PAM16: variants seen among roughly 807,000 people sequenced by gnomAD.
PAM16 encodes presequence translocase associated motor 16.
A neutral mutation model predicts 17.9 loss-of-function variants in PAM16; 11 were observed. The observed-to-expected ratio is 0.62, with a 90% CI of 0.39 to 1.02. The LOEUF (loss-of-function observed/expected upper bound fraction) is 1.02. Among genes scored for constraint, PAM16 ranks in the 50% least tolerant of loss-of-function variants. The pLI is 0.01. For synonymous variants in PAM16, 72 were observed against 67.4 expected, an observed-to-expected ratio of 1.07 and a Z score of -0.34; for missense variants, 199 against 165.4, an observed-to-expected ratio of 1.20 and a Z score of -1.11.
chr16:4,340,838 G>A (rs2053632607), intron 4 of PAM16, 82 bp downstream of exon 4: 1 of 1,550,188 alleles, frequency 6.5e-7, no homozygotes, highest in Non-Finnish European at 8.9e-7. Flanking sequence ...TAGCTGGCCA[G>A]CTCCCCCAAC....
chr16:4,343,543 C>T, intron 1 of PAM16: 10 of 1,415,718 alleles, frequency 7.1e-6, no homozygotes, highest in Non-Finnish European at 8.3e-6. Flanking sequence ...GGCCCCACCT[C>T]ATCCTTCAGG....
At chr16:4,349,812 G>A (rs1159372572) in intron 1 of PAM16, among the ~76,000 whole-genome samples, 4 of 152,080 alleles carry the variant, frequency 2.6e-5, no homozygotes, top group South Asian at 2.1e-4. Flanking sequence ...ACAGAGCTGG[G>A]CTCAAAAGAG....
chr16:4,340,547 C>T (rs2053627554), intron 4 of PAM16, 142 bp from the exon 5 acceptor site: 1 of 936,990 alleles, frequency 1.1e-6, no homozygotes, highest in Non-Finnish European at 1.6e-6. Flanking sequence ...TCAGTGGCAC[C>T]CCAGGGTCGG....
Position 4,344,850 on chromosome 16 carries a change from G to A in PAM16, c.4-1559C>T, listed in dbSNP as rs376041348. Among the ~76,000 whole-genome samples, 14 of 24,534 alleles carry A rather than the reference G, an allele frequency of 5.7e-4. No homozygotes were observed. In the East Asian group the frequency reaches 6.8e-3, roughly 12 times the overall value. The allele number at this position is 24,534 out of a possible 152,430, so 16.1% of individuals were successfully genotyped here. On this transcript the variant is annotated intron_variant, in intron 1 of 4. Coordinates refer to ENST00000318059, the MANE Select transcript of PAM16 (RefSeq NM_016069.11). ...GGAGGGGGTTCTGTGAGAGGAGGGG[G>A]TTCCGTGAGAGGAGGGGGTTCCTCC...
intron 1 of PAM16, chr16:4,343,559 C>T (rs1443741022): frequency 2.6e-5 from 37 of 1,403,496 alleles, no homozygotes; most frequent in Middle Eastern, 2.6e-4. Context: ...TCAGGAAAGG[C>T]GTAGAGGAGC....
chr16:4,341,801 C>T (rs1226292390), intron 2 of PAM16: 2 of 432,238 alleles, frequency 4.6e-6, no homozygotes, highest in East Asian at 4.0e-5. Flanking sequence ...CCCAGGGGAA[C>T]AGCAAATTGG....
At chr16:4,343,464 G>A in intron 1 of PAM16, 173 bp from the exon 2 acceptor site, 1 of 1,429,950 alleles carries the variant, frequency 7.0e-7, no homozygotes, top group Non-Finnish European at 9.1e-7. Flanking sequence ...CTTCCATGGT[G>A]GGTGGCTTAG....
intron 2 of PAM16, 182 bp from the exon 3 acceptor site, chr16:4,341,686 G>A: frequency 9.7e-7 from 1 of 1,032,050 alleles, no homozygotes; most frequent in South Asian, 1.7e-5. Flanking sequence ...GGAAAGTGAG[G>A]ACAGACGTGC....
At chr16:4,347,756 T>A (rs144877902) in intron 1 of PAM16, 2,592 of 152,316 alleles carry the variant, frequency 0.017, 43 homozygotes, top group South Asian at 0.029. Context: ...GTCCACCGAC[T>A]GACACTTGGG....
chr16:4,340,729 G>A (rs568145551), intron 4 of PAM16, among the ~76,000 whole-genome samples, 191 bp downstream of exon 4: 76 of 152,260 alleles, frequency 5.0e-4, no homozygotes, highest in South Asian at 1.9e-3. Flanking sequence ...GCTGGACCCC[G>A]CAAAGCTGAA....
Position 4,340,400 on chromosome 16 carries a change from G to C in PAM16, c.297C>G (p.Val99=), listed in dbSNP as rs1234658269. The C allele has an allele frequency of 6.2e-7, 1 of 1,611,910 alleles. No homozygotes were observed. Reference sequence around the variant, plus strand: ...CCTCATCCAGGCGCTCCTTTGCGCGGACCACCTAGTGGGTCACGGATAATC... The same window carrying C: ...CCTCATCCAGGCGCTCCTTTGCGCGCACCACCTAGTGGGTCACGGATAATC... ...GGSFYLQSKV[V]RAKERLDEEL... The change falls in exon 5 of 5, where the codon GTC becomes GTG. Residue 99 remains valine (V), a synonymous_variant. Coordinates refer to ENST00000318059, the MANE Select transcript of PAM16 (RefSeq NM_016069.11).
At position 4,341,450 on chromosome 16, in the gene PAM16, G is replaced by T. The variant is rs778445204; in HGVS notation, c.143C>A (p.Ala48Asp). The T allele has an allele frequency of 6.2e-7, 1 of 1,609,454 alleles. No homozygotes were observed. Among genetic ancestry groups the T allele is most frequent in the South Asian group, 1.1e-5 (1 of 90,206 alleles). ...GAGGCTGAGGCCGGAGAGGTTGGAA[G>T]CGGCTGCAGACCGGTGTCCAGCGCG... Reference protein sequence around the residue: ...RGRAGHRSAAASNLSGLSLQE... With the variant: ...RGRAGHRSAADSNLSGLSLQE... Residue 48 changes from alanine to aspartate, a missense_variant, in exon 3 of 5, where the codon GCT (alanine) becomes GAT (aspartate). Coordinates refer to ENST00000318059, the MANE Select transcript of PAM16 (RefSeq NM_016069.11).
Position 4,343,241 on chromosome 16 carries a change from C to T in PAM16, c.54G>A (p.Arg18=). 2 of 1,612,816 alleles carry T rather than the reference C, an allele frequency of 1.2e-6. No homozygotes were observed. Among genetic ancestry groups the T allele is most frequent in the Non-Finnish European group, 1.7e-6 (2 of 1,179,974 alleles). Residue 18 remains arginine (R), a synonymous_variant, in exon 2 of 5, where the codon AGG becomes AGA. Transcript: ENST00000318059. The part of the protein sequence containing the change: ...IIVMGVQVVG[R]AFARALRQEF... Reference sequence around the variant, plus strand: ...CCTGCCGCAAGGCCCGTGCAAAGGCCCTGCCCACCACCTGCACGCCCATCA... The same window carrying T: ...CCTGCCGCAAGGCCCGTGCAAAGGCTCTGCCCACCACCTGCACGCCCATCA...
chr16:4,350,963 A>G, intron 1 of PAM16: 1 of 302,178 alleles, frequency 3.3e-6, no homozygotes, highest in Non-Finnish European at 6.1e-6. Flanking sequence ...ACCGCTGCCC[A>G]CGGCTGCTCG....
At chr16:4,340,781 G>T in intron 4 of PAM16, 139 bp downstream of exon 4, 1 of 1,114,208 alleles carries the variant, frequency 9.0e-7, no homozygotes. Context: ...CCCTGAGGCT[G>T]GGGCACCATG....
intron 3 of PAM16, 86 bp downstream of exon 3, chr16:4,341,282 C>A (rs1246229954): frequency 2.0e-6 from 3 of 1,502,684 alleles, no homozygotes; most frequent in East Asian, 2.5e-5. Context: ...GCCTCCACAT[C>A]GGACCTCCCT....
At chr16:4,344,584 TTCC>T (rs1285525025) in intron 1 of PAM16, among the ~76,000 whole-genome samples, 1 of 60,876 alleles carries the variant, frequency 1.6e-5, no homozygotes, top group South Asian at 6.1e-4. Context: ...GAGGAGGGGG[TTCC>T]GTGAGAGGAG....
chr16:4,346,135 A>AG (rs1455288948), intron 1 of PAM16: 5 of 213,934 alleles, frequency 2.3e-5, no homozygotes, highest in Non-Finnish European at 4.0e-5. Context: ...TGCAGGGCAG[A>AG]GGGGGGCTGG....
intron 1 of PAM16, chr16:4,344,190 A>C: frequency 4.6e-6 from 1 of 216,044 alleles, no homozygotes; most frequent in South Asian, 2.0e-4. Flanking sequence ...CGGTGAGAGG[A>C]GGGGGTTCTG....
Sources: gnomAD v4.1 joint callset for allele counts (sites outside exome capture counted in the v4.1 genomes callset) on GRCh38, gnomAD v4.1.1 for gene constraint, MANE v1.5 for transcripts, NCBI Gene and HGNC (gene_info 2026-07-23, HGNC 2026-07-21) for gene names.